The following RADIL variants were observed in gnomAD, a reference collection of about 807,000 sequenced individuals.
RADIL encodes the protein ras-associating and dilute domain-containing protein.
In RADIL, 99 loss-of-function variants were observed where a neutral mutation model predicts 97.6. The ratio of observed to expected loss-of-function variants is 1.01; its 90% CI spans 0.86 to 1.20. The LOEUF (loss-of-function observed/expected upper bound fraction) is 1.20, where lower values mean the gene tolerates loss of function less well. Ranked by LOEUF, RADIL falls within the 50% of genes most tolerant of loss-of-function variation. RADIL has a pLI of 0.00. For synonymous variants in RADIL, 803 were observed against 691.8 expected, an observed-to-expected ratio of 1.16 and a Z score of -2.52; for missense variants, 1,765 against 1,498.9, an observed-to-expected ratio of 1.18 and a Z score of -2.93.
intron 2 of RADIL, among the ~76,000 whole-genome samples, chr7:4,871,539 AC>A (rs924531954): frequency 1.3e-5 from 2 of 152,078 alleles, no homozygotes; most frequent in African/African-American, 4.8e-5. Context: ...CAGACCTGCC[AC>A]CCGCCTGCCA....
intron 11 of RADIL, among the ~76,000 whole-genome samples, chr7:4,803,103 G>T (rs868427725): frequency 5.4e-5 from 3 of 55,212 alleles, no homozygotes; most frequent in East Asian, 4.6e-4. Flanking sequence ...CTCGGGGCAC[G>T]CTGGCTGGGG....
At chr7:4,802,408 C>A (rs186811470) in intron 11 of RADIL, among the ~76,000 whole-genome samples, 2 of 106,922 alleles carry the variant, frequency 1.9e-5, no homozygotes, top group South Asian at 2.6e-4. Context: ...GCTGGCTGGG[C>A]CCCCTCCCCG....
chr7:4,832,171 G>A lies in RADIL; in HGVS notation c.1424C>T (p.Thr475Ile), dbSNP rs1451891083. 6.2e-7 allele frequency: 1 copy of A among 1,611,752 alleles called. No homozygotes were observed. Among genetic ancestry groups the A allele is most frequent in the African/African-American group, 1.3e-5 (1 of 74,888 alleles). Reference protein sequence around the residue: ...RLIRETVWEKTKELAEKQAQL... With the variant: ...RLIRETVWEKIKELAEKQAQL... ...CGCCTGCTTCTCTGCTAGTTCTTTG[G>A]TTTTCTCCTACAATTACAAAGCGGG... Residue 475 changes from threonine (T) to isoleucine (I), a missense_variant, in exon 5 of 15, where the codon ACC becomes ATC. Thr to Ile is a moderately conservative substitution (Grantham distance 89). Coordinates refer to ENST00000399583, the MANE Select transcript of RADIL (RefSeq NM_018059.5).
In RADIL at chr7:4,814,704, G is replaced by A. The variant is rs1164332446; in HGVS notation, c.2139+574C>T. On this transcript the variant is annotated intron_variant, in intron 9 of 14. Coordinates refer to ENST00000399583, the MANE Select transcript of RADIL (RefSeq NM_018059.5). This position sits in a 1 kb window ranked among gnomAD's most constrained non-coding sequence, Gnocchi z 4.5. ...CTCCGCGGCTCCACAGCTCAGCCGG[G>A]TCTCACAGAGCTGACAGCAAGATGA... is the stretch of plus-strand genomic sequence containing the variant. 2.6e-5 allele frequency among the ~76,000 whole-genome samples: 4 copies of A among 152,190 alleles called. No homozygotes were observed. The South Asian group carries it at 6.2e-4, about 24-fold the overall frequency.
rs1036548297 is a variant in RADIL, at chr7:4,880,136, G to A, written c.-64-1933C>T. On this transcript the variant is annotated intron_variant, in intron 1 of 14. Transcript: ENST00000399583. The surrounding 1 kb of genome is among the most constrained non-coding windows in gnomAD (Gnocchi z 4.5). Reference sequence around the variant, plus strand: ...GGCTTTCTGAAGAGGTGAATTTGCTGTAACAGGTCACGGAGTTCCCAGTAC... The same window carrying A: ...GGCTTTCTGAAGAGGTGAATTTGCTATAACAGGTCACGGAGTTCCCAGTAC... 3.3e-5 allele frequency among the ~76,000 whole-genome samples: 5 copies of A among 152,134 alleles called. No individual in the cohort carries two copies. Among genetic ancestry groups the A allele is most frequent in the Admixed American group, 1.3e-4 (2 of 15,272 alleles).
rs1187573735 is a variant in RADIL, at chr7:4,799,338, G to A, written c.*40C>T. 1 of 1,587,636 alleles carries A rather than the reference G, an allele frequency of 6.3e-7. No individual in the cohort carries two copies. The highest frequency in any genetic ancestry group is 1.3e-5 in the African/African-American group (1 of 74,382). On this transcript the variant is annotated 3_prime_UTR_variant, in exon 15 of 15. Transcript: ENST00000399583. The stretch of plus-strand genomic sequence containing the variant: ...GAGGAAGCCCAGTGTCACCAGGTGG[G>A]ACCGGGTGCCGGGCCTGTGGGGGTG...
In RADIL at chr7:4,821,371, C is replaced by A. The variant is rs749313553; in HGVS notation, c.1615+1023G>T. On this transcript the variant is annotated intron_variant, in intron 6 of 14. Coordinates refer to ENST00000399583, the MANE Select transcript of RADIL (RefSeq NM_018059.5). The surrounding 1 kb of genome is among the most constrained non-coding windows in gnomAD (Gnocchi z 5.2). ...TCCCTGGGCCGGCTCCTCACTTCCG[C>A]AGCACAGCAGCACAGTCCTGCTGCC... Among the ~76,000 whole-genome samples, 1 of 152,188 alleles carries A rather than the reference C, an allele frequency of 6.6e-6. No homozygotes were observed. The highest frequency in any genetic ancestry group is 1.5e-5 in the Non-Finnish European group (1 of 68,026).
intron 13 of RADIL, 118 bp from the exon 14 acceptor site, chr7:4,799,887 C>T (rs1026721922): frequency 3.1e-5 from 43 of 1,379,770 alleles, no homozygotes; most frequent in Non-Finnish European, 3.9e-5. Flanking sequence ...GCCAGGCCCA[C>T]TCATGGTTTC....
chr7:4,834,766 C>G lies in RADIL; in HGVS notation c.1257G>C (p.Gln419His). ...FEPHLEDTLL[Q>H]RIMTLIEPGG... Reference sequence around the variant, plus strand: ...CCGGCTCGATCAACGTCATGATCCTCTGCAGCAGCGTGTCCTCCAGGTGGG... The same window carrying G: ...CCGGCTCGATCAACGTCATGATCCTGTGCAGCAGCGTGTCCTCCAGGTGGG... Residue 419 changes from glutamine (Q) to histidine (H), a missense_variant, in exon 4 of 15, where the codon CAG becomes CAC. By Grantham distance (24) the Gln-to-His change is conservative. Coordinates refer to ENST00000399583, the MANE Select transcript of RADIL (RefSeq NM_018059.5). The surrounding 1 kb of genome is among the most constrained non-coding windows in gnomAD (Gnocchi z 6.0). 1 of 1,391,872 alleles carries G rather than the reference C, an allele frequency of 7.2e-7. No homozygotes were observed. The highest frequency in any genetic ancestry group is 9.4e-7 in the Non-Finnish European group (1 of 1,066,520). 86.2% of individuals were successfully genotyped at this position (1,391,872 alleles called of 1,614,324 possible).
rs914959172 is a variant in RADIL, at chr7:4,817,422, G to A, written c.1616-71C>T. On this transcript the variant is annotated intron_variant, in intron 6 of 14. Coordinates refer to ENST00000399583, the MANE Select transcript of RADIL (RefSeq NM_018059.5). This position sits in a 1 kb window ranked among gnomAD's most constrained non-coding sequence, Gnocchi z 8.3. ...CAGGAACGCAGCAACTCAGCCAGCC[G>A]CCAGCTCTTTCCCTGGCGCGGGCAC... 77 of 1,381,900 alleles carry A rather than the reference G, an allele frequency of 5.6e-5. No individual in the cohort carries two copies. The highest frequency in any genetic ancestry group is 4.4e-4 in the African/African-American group (31 of 70,012). The allele number at this position is 1,381,900 out of a possible 1,614,324, so 85.6% of individuals were successfully genotyped here. A position where few individuals can be genotyped will look rare whatever the true frequency, so the allele number is the denominator to read the frequency against.
chr7:4,866,915 A>C (rs1784143701), intron 2 of RADIL, among the ~76,000 whole-genome samples: 1 of 152,232 alleles, frequency 6.6e-6, no homozygotes, highest in South Asian at 2.1e-4. Context: ...TGGCAAGACC[A>C]GATCGAGAAT....
chr7:4,858,675 G>A (rs922965987), intron 2 of RADIL: 16 of 152,546 alleles, frequency 1.0e-4, no homozygotes, highest in African/African-American at 3.9e-4. Flanking sequence ...CATATGCAGT[G>A]ATCAAATGGT....
intron 10 of RADIL, chr7:4,805,210 G>C (rs1474755985): frequency 7.0e-6 from 2 of 285,664 alleles, no homozygotes; most frequent in Admixed American, 9.4e-5. Context: ...GCTCAGGGAT[G>C]CGTCCCCACG....
At chr7:4,806,377 C>T (rs1739686409) in intron 9 of RADIL, among the ~76,000 whole-genome samples, 1 of 152,016 alleles carries the variant, frequency 6.6e-6, no homozygotes, top group Admixed American at 6.6e-5. Context: ...TGGTCTCAAA[C>T]TCCTGGTCTC....
intron 13 of RADIL, 73 bp downstream of exon 13, chr7:4,800,098 C>CGGCCAGGCTTGCATGAACAGGAGG: frequency 6.6e-7 from 1 of 1,518,428 alleles, no homozygotes; most frequent in Non-Finnish European, 8.8e-7. Flanking sequence ...ACGCAAGCTG[C>CGGCCAGGCTTGCATGAACAGGAGG]GGCCAGGCTT....
At chr7:4,841,577 C>G (rs962549732) in intron 2 of RADIL, among the ~76,000 whole-genome samples, 1 of 152,182 alleles carries the variant, frequency 6.6e-6, no homozygotes, top group African/African-American at 2.4e-5. Context: ...TCCCCTACTG[C>G]CCCGTGTTGA....
In RADIL at chr7:4,836,477, G is replaced by A. The variant is rs1783303286; in HGVS notation, c.664C>T (p.Pro222Ser). The stretch of plus-strand genomic sequence containing the variant: ...GCGGCAGCGGGCAGGGCGTTCACTG[G>A]GCTCAGGCTGGTCTCACTGACTGTG... ...RRTVSETSLSPVNALPAAAQG... is the reference protein window; with the variant it reads ...RRTVSETSLSSVNALPAAAQG... The change falls in exon 3 of 15, where the codon CCA becomes TCA. Residue 222 changes from proline (P) to serine (S), a missense_variant. By Grantham distance (74) the Pro-to-Ser change is moderately conservative (BLOSUM62 -1). Coordinates refer to ENST00000399583, the MANE Select transcript of RADIL (RefSeq NM_018059.5). 2 of 1,606,676 alleles carry A rather than the reference G, an allele frequency of 1.2e-6. No individual in the cohort carries two copies. Among genetic ancestry groups the A allele is most frequent in the African/African-American group, 2.7e-5 (2 of 74,802 alleles).
chr7:4,857,635 G>C (rs1279069865), intron 2 of RADIL: 1 of 152,508 alleles, frequency 6.6e-6, no homozygotes, highest in Non-Finnish European at 1.5e-5. Context: ...AGATCGAAAG[G>C]TTCATCAGTG....
In RADIL at chr7:4,878,777, G is replaced by A. The variant is rs1019692666; in HGVS notation, c.-64-574C>T. On this transcript the variant is annotated intron_variant, in intron 1 of 14. Coordinates refer to ENST00000399583, the MANE Select transcript of RADIL (RefSeq NM_018059.5). The surrounding 1 kb of genome is among the most constrained non-coding windows in gnomAD (Gnocchi z 4.1). The stretch of plus-strand genomic sequence containing the variant: ...AAAGTGCTGGGCGCAGCGCCCGTGT[G>A]CAGTGAGCATCAAGGAGCGCCCCAC... Among the ~76,000 whole-genome samples, 1 of 152,228 alleles carries A rather than the reference G, an allele frequency of 6.6e-6. No individual in the cohort carries two copies. Among genetic ancestry groups the A allele is most frequent in the Non-Finnish European group, 1.5e-5 (1 of 68,042 alleles).
Sources: gnomAD v4.1 joint callset for allele counts (sites outside exome capture counted in the v4.1 genomes callset) on GRCh38, gnomAD v4.1.1 for gene constraint, Gnocchi (gnomAD v3.1) non-coding constraint, MANE v1.5 for transcripts, NCBI Gene and HGNC (gene_info 2026-07-23, HGNC 2026-07-21) for gene names.